Variants in MAD2L1BP observed in about 807,000 individuals in gnomAD.
MAD2L1BP encodes MAD2L1 binding protein, also known as MAD2L1-binding protein.
In MAD2L1BP, 22 loss-of-function variants were observed where a neutral mutation model predicts 28.4. The observed-to-expected ratio is 0.77, with a 90% confidence interval of 0.55 to 1.10. The LOEUF (loss-of-function observed/expected upper bound fraction) is 1.10. Among genes scored for constraint, MAD2L1BP ranks in the 50% least tolerant of loss-of-function variants. The probability of loss-of-function intolerance (pLI) is 0.00; values close to 1 mark genes in which losing one functional copy is unlikely to be tolerated. For missense variants in MAD2L1BP, 325 were observed against 350.5 expected, an observed-to-expected ratio of 0.93 and a Z score of 0.58; for synonymous variants, 146 against 133.7, an observed-to-expected ratio of 1.09 and a Z score of -0.63.
upstream of MAD2L1BP, among the ~76,000 whole-genome samples, chr6:43,632,552 C>T (rs981316580): frequency 6.6e-6 from 1 of 151,950 alleles, no homozygotes; most frequent in African/African-American, 2.4e-5. Flanking sequence ...AGCCACTATG[C>T]CCAGCCAGAT....
chr6:43,639,517 G>C (rs1157373215), intron 2 of MAD2L1BP, among the ~76,000 whole-genome samples: 1 of 152,094 alleles, frequency 6.6e-6, no homozygotes, highest in Non-Finnish European at 1.5e-5. Flanking sequence ...CTTTCCTCTT[G>C]GGAGTTTTCT....
At chr6:43,637,274 A>G (rs1770284292) in intron 2 of MAD2L1BP, among the ~76,000 whole-genome samples, 1 of 151,872 alleles carries the variant, frequency 6.6e-6, no homozygotes, top group Admixed American at 6.6e-5. Flanking sequence ...CATGTTGACC[A>G]GGCTGGTCTC....
chr6:43,635,801 T>C (rs750025920), upstream of MAD2L1BP: 18 of 1,396,650 alleles, frequency 1.3e-5, no homozygotes, highest in African/African-American at 2.5e-4. Context: ...GAGCCGGAAG[T>C]GGAGGCGCGG....
At chr6:43,635,746 C>T, upstream of MAD2L1BP, 1 of 872,208 alleles carries the variant, frequency 1.1e-6, no homozygotes, top group Non-Finnish European at 1.7e-6. Context: ...TCCACTTAAC[C>T]TCCCCCACAC....
upstream of MAD2L1BP, chr6:43,633,431 C>G (rs1032097550): frequency 1.3e-4 from 34 of 260,574 alleles, no homozygotes; most frequent in Middle Eastern, 1.6e-3. Context: ...CTCGACCTCC[C>G]AAAGTGCTGG....
rs763535469 is a variant in MAD2L1BP at position 43,640,228 on chromosome 6, C to T, written c.520C>T (p.Pro174Ser). The T allele has an allele frequency of 1.9e-6, 3 of 1,613,866 alleles. No individual in the cohort carries two copies. Among genetic ancestry groups the T allele is most frequent in the Admixed American group, 3.3e-5 (2 of 59,994 alleles). Residue 174 changes from proline (P) to serine (S), a missense_variant, in exon 3 of 3, where the codon CCC (proline) becomes TCC (serine). By Grantham distance (74) the Pro-to-Ser change is moderately conservative (BLOSUM62 -1). Coordinates refer to ENST00000372171, the MANE Select transcript of MAD2L1BP (RefSeq NM_014628.3). ...TGAACTCGACTTGTCTCTGCTGGCC[C>T]CCTACAGCGTGGACCAGAGCCTGAG... ...FYELDLSLLA[P>S]YSVDQSLSTA...
At chr6:43,636,848 G>C in intron 2 of MAD2L1BP, 1 of 620,318 alleles carries the variant, frequency 1.6e-6, no homozygotes, top group Admixed American at 3.0e-5. Context: ...TGAAACTCAC[G>C]TGTTGCATTT....
rs974509162 is a variant in MAD2L1BP, at chr6:43,640,602, A to G, written c.*69A>G. The G allele has an allele frequency of 6.7e-6, 10 of 1,484,548 alleles. No homozygotes were observed. The African/African-American group carries it at 1.3e-4, about 19-fold the overall frequency. The allele number at this position is 1,484,548 out of a possible 1,614,324, so 92.0% of individuals were successfully genotyped here. ...TTCTCCATGTGGCGCTGAATCACCC[A>G]TCTGGTTTGGAGCTAGAGTTGCTTC... On this transcript the variant is annotated 3_prime_UTR_variant, in exon 3 of 3. Transcript: ENST00000372171.
At chr6:43,633,199 G>A, upstream of MAD2L1BP, 1 of 427,258 alleles carries the variant, frequency 2.3e-6, no homozygotes, top group Non-Finnish European at 4.6e-6. Flanking sequence ...TCCAGGCGGA[G>A]TCTCACTCTG....
upstream of MAD2L1BP, among the ~76,000 whole-genome samples, chr6:43,632,182 G>T (rs376216778): frequency 3.3e-5 from 5 of 151,936 alleles, no homozygotes; most frequent in African/African-American, 1.2e-4. Context: ...TTACAGGTGT[G>T]AGCCACCGTG....
At chr6:43,639,206 C>G (rs1372229863) in intron 2 of MAD2L1BP, among the ~76,000 whole-genome samples, 1 of 151,598 alleles carries the variant, frequency 6.6e-6, no homozygotes, top group East Asian at 1.9e-4. Context: ...GTGGCGTGAT[C>G]TCAGCTCACT....
chr6:43,634,547 C>A (rs1285343453), upstream of MAD2L1BP, among the ~76,000 whole-genome samples: 1 of 151,888 alleles, frequency 6.6e-6, no homozygotes, highest in South Asian at 2.1e-4. Flanking sequence ...TCTTGTCAGT[C>A]TCTTTCTTTT....
In MAD2L1BP at chr6:43,640,531, T is replaced by G; in HGVS notation, c.823T>G (p.Ter275GlyextTer5). Residue 275 changes from the stop codon to glycine, a stop_lost, in exon 3 of 3, where the codon TGA becomes GGA. Coordinates refer to ENST00000372171, the MANE Select transcript of MAD2L1BP (RefSeq NM_014628.3). ...APVTFKGFRE[*>G] Reference sequence around the variant, plus strand: ...AGTGACATTTAAAGGCTTCCGCGAGTGAATGAGTGCTTCTTAATCCTAAAA... The same window carrying G: ...AGTGACATTTAAAGGCTTCCGCGAGGGAATGAGTGCTTCTTAATCCTAAAA... 6.4e-7 allele frequency: 1 copy of G among 1,572,670 alleles called. No homozygotes were observed. The highest frequency in any genetic ancestry group is 8.6e-7 in the Non-Finnish European group (1 of 1,159,262).
exon 1 of MAD2L1BP, chr6:43,629,693 T>A: frequency 6.5e-7 from 1 of 1,541,392 alleles, no homozygotes; most frequent in African/African-American, 1.4e-5. Context: ...GCTGCAGAAC[T>A]GAGGCTACTG....
chr6:43,632,475 T>G (rs1227787249), upstream of MAD2L1BP, among the ~76,000 whole-genome samples: 3 of 151,532 alleles, frequency 2.0e-5, no homozygotes, highest in Non-Finnish European at 4.4e-5. Context: ...CAGGCCGGTC[T>G]TGAACTCCTG....
intron 1 of MAD2L1BP, among the ~76,000 whole-genome samples, chr6:43,629,954 TA>T (rs1466378959): frequency 6.6e-6 from 1 of 152,256 alleles, no homozygotes; most frequent in East Asian, 1.9e-4. Flanking sequence ...CCCGAACCCG[TA>T]AACCAGCTTC....
At chr6:43,639,039 C>T (rs73733597) in intron 2 of MAD2L1BP, among the ~76,000 whole-genome samples, 6,051 of 152,256 alleles carry the variant, frequency 0.04, 413 homozygotes, top group African/African-American at 0.14. Context: ...ACTTCCTAAA[C>T]CTTTCTGGGG....
upstream of MAD2L1BP, chr6:43,635,733 A>AGCTCCACTTAACCTCCCC: frequency 1.3e-6 from 1 of 747,778 alleles, no homozygotes; most frequent in Non-Finnish European, 2.0e-6. Context: ...TTCAAATCCC[A>AGCTCCACTTAACCTCCCC]GCTCCACTTA....
intron 2 of MAD2L1BP, among the ~76,000 whole-genome samples, chr6:43,637,393 TG>T (rs1770292715): frequency 6.6e-6 from 1 of 151,740 alleles, no homozygotes; most frequent in African/African-American, 2.4e-5. Context: ...AGCATCCTGT[TG>T]TTTAATTTCT....
Sources: gnomAD v4.1 joint callset for allele counts (sites outside exome capture counted in the v4.1 genomes callset) on GRCh38, gnomAD v4.1.1 for gene constraint, MANE v1.5 for transcripts, NCBI Gene and HGNC (gene_info 2026-07-23, HGNC 2026-07-21) for gene names.